Variants in DCC observed in about 807,000 individuals in gnomAD.
DCC encodes DCC netrin 1 receptor.
DCC carries 58 observed loss-of-function variants against 172.5 expected under a neutral mutation model. That is an observed-to-expected ratio of 0.34 (90% confidence interval 0.27 to 0.42). DCC has a LOEUF of 0.42. Among genes scored for constraint, DCC ranks in the 10% least tolerant of loss-of-function variants. The probability of loss-of-function intolerance (pLI) is 1.00; values close to 1 mark genes in which losing one functional copy is unlikely to be tolerated. For synonymous variants in DCC, 709 were observed against 644.5 expected (o/e 1.10, Z -1.52); for missense variants, 1,740 against 1,791.0 (o/e 0.97, Z 0.51).
At chr18:53,278,157 T>C (rs2056828204) in intron 12 of DCC, among the ~76,000 whole-genome samples, 1 of 152,088 alleles carries the variant, frequency 6.6e-6, no homozygotes, top group Admixed American at 6.6e-5. Context: ...CAGTATAAAT[T>C]TGGCACAGTG....
intron 5 of DCC, among the ~76,000 whole-genome samples, chr18:52,938,927 G>T (rs754434530): frequency 6.6e-6 from 1 of 151,492 alleles, no homozygotes; most frequent in Non-Finnish European, 1.5e-5. Context: ...CTCCTAACTT[G>T]TCTCTCTTCC....
chr18:52,403,802 C>T (rs1252842802), intron 1 of DCC, among the ~76,000 whole-genome samples: 1 of 152,042 alleles, frequency 6.6e-6, no homozygotes, highest in Non-Finnish European at 1.5e-5. Flanking sequence ...GAAGAGCCTC[C>T]TCAGCAGCAC....
At chr18:53,239,842 T>A (rs2144634650) in intron 12 of DCC, among the ~76,000 whole-genome samples, 1 of 152,204 alleles carries the variant, frequency 6.6e-6, no homozygotes, top group Non-Finnish European at 1.5e-5. Flanking sequence ...CAAGGGCTGA[T>A]AATATAATTC....
chr18:53,196,209 T>C (rs1253398785), intron 9 of DCC, among the ~76,000 whole-genome samples: 1 of 152,184 alleles, frequency 6.6e-6, no homozygotes, highest in Non-Finnish European at 1.5e-5. Context: ...GTTTGGTGTG[T>C]GTAGGTAGTT....
At chr18:53,007,894 T>C (rs747924329) in intron 5 of DCC, among the ~76,000 whole-genome samples, 6 of 152,080 alleles carry the variant, frequency 3.9e-5, no homozygotes, top group Non-Finnish European at 7.4e-5. Flanking sequence ...AAAACCGCCT[T>C]TGGGCTCATT....
intron 1 of DCC, among the ~76,000 whole-genome samples, chr18:52,461,958 T>A (rs1385912796): frequency 6.6e-6 from 1 of 152,202 alleles, no homozygotes; most frequent in Non-Finnish European, 1.5e-5. Flanking sequence ...TCCTGTAACC[T>A]TCTCTGAGTT....
chr18:52,960,737 C>T (rs1249682868), intron 5 of DCC, among the ~76,000 whole-genome samples: 3 of 152,110 alleles, frequency 2.0e-5, no homozygotes, highest in Admixed American at 1.3e-4. Flanking sequence ...CCTCTTTAAT[C>T]CCTCCAACAC....
intron 2 of DCC, among the ~76,000 whole-genome samples, chr18:52,753,551 A>G (rs903309933): frequency 5.9e-5 from 9 of 152,220 alleles, no homozygotes; most frequent in African/African-American, 2.2e-4. Context: ...TAAGAAGAGT[A>G]AATTTTATTT....
chr18:53,343,503 T>G (rs1345209713), intron 15 of DCC, among the ~76,000 whole-genome samples: 2 of 151,944 alleles, frequency 1.3e-5, no homozygotes, highest in Admixed American at 1.3e-4. Context: ...ATATAAATCC[T>G]GTGTGGCCAT....
chr18:52,833,323 G>C (rs113489625), intron 2 of DCC, among the ~76,000 whole-genome samples: 8 of 152,208 alleles, frequency 5.3e-5, no homozygotes, highest in African/African-American at 1.9e-4. Context: ...CCTGGAGTTT[G>C]ATTTGTAGCC....
intron 5 of DCC, among the ~76,000 whole-genome samples, chr18:53,025,261 C>T (rs2041939891): frequency 6.6e-6 from 1 of 152,006 alleles, no homozygotes; most frequent in Non-Finnish European, 1.5e-5. Flanking sequence ...TATCACTAAG[C>T]TGGAAGATCG....
chr18:52,883,247 C>G (rs2039513361), intron 2 of DCC, among the ~76,000 whole-genome samples: 1 of 151,944 alleles, frequency 6.6e-6, no homozygotes, highest in Non-Finnish European at 1.5e-5. Context: ...AGACCACTTA[C>G]ATTCAATGTT....
chr18:53,327,961 C>T (rs149442903), intron 14 of DCC, among the ~76,000 whole-genome samples: 131 of 152,308 alleles, frequency 8.6e-4, no homozygotes, highest in Middle Eastern at 6.8e-3. Flanking sequence ...GGTACAGTAG[C>T]TATTCCACTG....
chr18:53,519,459 C>G (rs2046375123), intron 27 of DCC, among the ~76,000 whole-genome samples: 1 of 151,870 alleles, frequency 6.6e-6, no homozygotes, highest in Non-Finnish European at 1.5e-5. Context: ...CTTCTCAGAG[C>G]CCCAGTACTG....
intron 1 of DCC, among the ~76,000 whole-genome samples, chr18:52,735,388 T>G (rs1365513298): frequency 3.9e-5 from 6 of 152,126 alleles, no homozygotes; most frequent in Non-Finnish European, 7.4e-5. Flanking sequence ...CATGATGTAT[T>G]AGGGTTCTCT....
At chr18:52,744,817 C>T (rs2036882571) in intron 1 of DCC, among the ~76,000 whole-genome samples, 1 of 152,090 alleles carries the variant, frequency 6.6e-6, no homozygotes. Context: ...GGCAGATCAG[C>T]CTGGTAAGTG....
chr18:52,921,697 A>C (rs1269087096), intron 3 of DCC, among the ~76,000 whole-genome samples: 1 of 124,746 alleles, frequency 8.0e-6, no homozygotes, highest in Non-Finnish European at 1.9e-5. Flanking sequence ...GCTCCATCTC[A>C]AAAATAAAAA....
chr18:52,469,120 C>T (rs1022674613), intron 1 of DCC, among the ~76,000 whole-genome samples: 19 of 152,120 alleles, frequency 1.2e-4, no homozygotes, highest in Middle Eastern at 3.4e-3. Context: ...TGCAGTGGCG[C>T]GATCTCAGCT....
At chr18:53,312,370 G>C (rs1223772887) in intron 13 of DCC, among the ~76,000 whole-genome samples, 1 of 118,196 alleles carries the variant, frequency 8.5e-6, no homozygotes, top group Non-Finnish European at 1.8e-5. Flanking sequence ...AAAAGAAAAA[G>C]AAAAAGATAA....
Sources: gnomAD v4.1 joint callset for allele counts (sites outside exome capture counted in the v4.1 genomes callset) on GRCh38, gnomAD v4.1.1 for gene constraint, MANE v1.5 for transcripts, NCBI Gene and HGNC (gene_info 2026-07-23, HGNC 2026-07-21) for gene names.